The following NAV2 variants were observed in gnomAD, a reference collection of about 807,000 sequenced individuals.
The protein encoded by NAV2 is neuron navigator 2.
NAV2 carries 54 observed loss-of-function variants against 223.2 expected under a neutral mutation model. That is an observed-to-expected ratio of 0.24 (90% CI 0.19 to 0.30). NAV2 has a LOEUF of 0.30. Among genes scored for constraint, NAV2 ranks in the 10% least tolerant of loss-of-function variants. NAV2 has a pLI of 1.00. For synonymous variants in NAV2, 1,279 were observed against 1,239.3 expected (o/e 1.03, Z -0.67); for missense variants, 2,806 against 3,147.5 (o/e 0.89, Z 2.60).
At chr11:20,002,993 G>T (rs1419324834) in intron 11 of NAV2, among the ~76,000 whole-genome samples, 4 of 152,212 alleles carry the variant, frequency 2.6e-5, no homozygotes, top group African/African-American at 9.6e-5. Context: ...CCATAAATGG[G>T]CTGTAAACCA....
intron 1 of NAV2, among the ~76,000 whole-genome samples, chr11:19,461,316 G>A (rs1852151460): frequency 6.6e-6 from 1 of 152,124 alleles, no homozygotes; most frequent in Non-Finnish European, 1.5e-5. Flanking sequence ...ATAGTGCTAC[G>A]ATTATTTTAT....
intron 35 of NAV2, among the ~76,000 whole-genome samples, chr11:20,106,554 CAA>C (rs34470765): frequency 0.012 from 1,104 of 94,916 alleles, 15 homozygotes; most frequent in African/African-American, 0.021. Flanking sequence ...AGTGAGACTC[CAA>C]AAAAAAAAAA....
chr11:20,012,707 C>T (rs531469615), intron 11 of NAV2, among the ~76,000 whole-genome samples: 9 of 148,006 alleles, frequency 6.1e-5, no homozygotes, highest in East Asian at 5.9e-4. Context: ...GGGAAAAGAG[C>T]GACCAGGGGA....
At chr11:19,972,634 C>G (rs1172036575) in intron 10 of NAV2, among the ~76,000 whole-genome samples, 5 of 152,274 alleles carry the variant, frequency 3.3e-5, no homozygotes, top group Middle Eastern at 6.8e-3. Context: ...ATCTCCCTCC[C>G]CCAAGCCAAT....
At chr11:19,690,483 G>A (rs2049142478) in intron 1 of NAV2, among the ~76,000 whole-genome samples, 1 of 152,066 alleles carries the variant, frequency 6.6e-6, no homozygotes, top group South Asian at 2.1e-4. Flanking sequence ...CTATCTTTTA[G>A]GGTCATTGTG....
intron 1 of NAV2, among the ~76,000 whole-genome samples, chr11:19,682,745 A>C (rs748833553): frequency 2.6e-5 from 4 of 152,158 alleles, no homozygotes; most frequent in Non-Finnish European, 2.9e-5. Context: ...AAATAAGCAG[A>C]TCTTGCATGA....
intron 1 of NAV2, among the ~76,000 whole-genome samples, chr11:19,614,541 G>A (rs2046738318): frequency 6.6e-6 from 1 of 152,158 alleles, no homozygotes; most frequent in Non-Finnish European, 1.5e-5. Context: ...TATCGCACCA[G>A]TGTGTGGTGC....
intron 11 of NAV2, among the ~76,000 whole-genome samples, chr11:20,015,846 G>A (rs2153520788): frequency 6.6e-6 from 1 of 152,342 alleles, no homozygotes; most frequent in East Asian, 1.9e-4. Context: ...CTGAAGGACT[G>A]TGGGATAACC....
At position 19,381,508 on chromosome 11, in the gene NAV2, A is replaced by G. The variant is rs61878091; in HGVS notation, c.75+30481A>G. On this transcript the variant is annotated intron_variant, in intron 1 of 37. Coordinates refer to the NAV2 transcript ENST00000360655. ...GCAAGCATGCGGAGTAGTTTATGAA[A>G]CATACGGAGACCCTGACTCTTTCCA... 4.5e-3 allele frequency among the ~76,000 whole-genome samples: 691 copies of G among 152,244 alleles called. 2 individuals carry two copies. Among genetic ancestry groups the G allele is most frequent in the Middle Eastern group, 0.034 (10 of 294 alleles).
rs1468340315 is a variant in NAV2 at position 19,787,276 on chromosome 11, T to A, written c.268-45208T>A. On this transcript the variant is annotated intron_variant, in intron 1 of 37. Coordinates refer to ENST00000349880, the MANE Select transcript of NAV2 (RefSeq NM_145117.5). Reference sequence around the variant, plus strand: ...TGGCTAATTTTTATTGGATCTTTTTTTTTTTTTTTTTTTTTTTTTTTTGGA... The same window carrying A: ...TGGCTAATTTTTATTGGATCTTTTTATTTTTTTTTTTTTTTTTTTTTTGGA... Among the ~76,000 whole-genome samples, 4 of 125,806 alleles carry A rather than the reference T, an allele frequency of 3.2e-5. 1 individual carries two copies. Among genetic ancestry groups the A allele is most frequent in the African/African-American group, 6.0e-5 (2 of 33,372 alleles). 82.5% of individuals were successfully genotyped at this position (125,806 alleles called of 152,430 possible). A position where few individuals can be genotyped will look rare whatever the true frequency, so the allele number is the denominator to read the frequency against.
chr11:19,518,659 G>GT (rs1315304362), intron 1 of NAV2: 1 of 152,310 alleles, frequency 6.6e-6, no homozygotes, highest in East Asian at 1.9e-4. Context: ...TTTATTAGTT[G>GT]TTTAACATTC....
chr11:19,647,400 A>T (rs1590031760), intron 1 of NAV2, among the ~76,000 whole-genome samples: 1 of 152,114 alleles, frequency 6.6e-6, no homozygotes, highest in Non-Finnish European at 1.5e-5. Context: ...CTGGAAATTC[A>T]TAAGTCCACT....
intron 11 of NAV2, among the ~76,000 whole-genome samples, chr11:19,995,708 A>G (rs2051807752): frequency 6.6e-6 from 1 of 152,162 alleles, no homozygotes; most frequent in Non-Finnish European, 1.5e-5. Context: ...GCTATTATAC[A>G]TTGCAATGGA....
intron 1 of NAV2, among the ~76,000 whole-genome samples, chr11:19,820,945 T>A (rs1001721700): frequency 1.3e-5 from 2 of 152,134 alleles, no homozygotes; most frequent in Admixed American, 6.5e-5. Flanking sequence ...TTCTATTATA[T>A]GAAGTATGAA....
intron 1 of NAV2, among the ~76,000 whole-genome samples, chr11:19,721,135 TA>T (rs1158431932): frequency 6.6e-6 from 1 of 152,238 alleles, no homozygotes; most frequent in African/African-American, 2.4e-5. Flanking sequence ...CCTTCTTAAA[TA>T]GCAAGTGTGA....
At chr11:19,400,737 A>G (rs184161342) in intron 1 of NAV2, among the ~76,000 whole-genome samples, 1 of 152,342 alleles carries the variant, frequency 6.6e-6, no homozygotes, top group Non-Finnish European at 1.5e-5. Context: ...AGGGCCATGT[A>G]GGATGCTCAT....
rs771947109 is a variant in NAV2, at chr11:19,842,868, C to T, written c.386-3C>T. 4 of 1,613,792 alleles carry T rather than the reference C, an allele frequency of 2.5e-6. No homozygotes were observed. In the East Asian group the frequency reaches 8.9e-5, roughly 36 times the overall value. ...TTTTTCTGACTTGTGTTTCCTTTTT[C>T]AGCAAATGAAAAGATTGAAGACATC... On this transcript the variant is annotated splice_polypyrimidine_tract_variant and splice_region_variant and intron_variant, in intron 2 of 37. Coordinates refer to ENST00000349880, the MANE Select transcript of NAV2 (RefSeq NM_145117.5).
At chr11:19,911,187 G>A (rs956382911) in intron 6 of NAV2, among the ~76,000 whole-genome samples, 12 of 152,054 alleles carry the variant, frequency 7.9e-5, no homozygotes, top group Non-Finnish European at 1.6e-4. Context: ...AATAGGGACA[G>A]GACACGTAGC....
chr11:19,570,306 C>T (rs1016116754), intron 1 of NAV2, among the ~76,000 whole-genome samples: 1 of 152,112 alleles, frequency 6.6e-6, no homozygotes, highest in African/African-American at 2.4e-5. Context: ...GGAATTCACC[C>T]AGAGGATGTC....
Sources: allele counts gnomAD v4.1 joint callset (sites outside exome capture counted in the v4.1 genomes callset), GRCh38; gene constraint gnomAD v4.1.1; transcripts MANE v1.5; gene names NCBI Gene and HGNC (gene_info 2026-07-23, HGNC 2026-07-21).